GLDC: variants seen among roughly 807,000 people sequenced by gnomAD.
GLDC encodes the protein glycine decarboxylase, also known as glycine dehydrogenase (decarboxylating), mitochondrial.
In GLDC, 104 loss-of-function variants were observed where a neutral mutation model predicts 121.3. That is an observed-to-expected ratio of 0.86 (90% confidence interval 0.73 to 1.01). GLDC has a LOEUF of 1.01. Among genes scored for constraint, GLDC ranks in the 50% least tolerant of loss-of-function variants. The pLI is 0.00. For synonymous variants in GLDC, 546 were observed against 480.6 expected (o/e 1.14, Z -1.78); for missense variants, 1,429 against 1,306.6 (o/e 1.09, Z -1.44).
At chr9:6,558,826 T>G (rs1190990119) in intron 16 of GLDC, 142 bp from the exon 17 acceptor site, 1 of 894,450 alleles carries the variant, frequency 1.1e-6, no homozygotes, top group East Asian at 2.6e-5. Flanking sequence ...CTTTAAAATC[T>G]GCTACAATTT....
intron 2 of GLDC, among the ~76,000 whole-genome samples, chr9:6,642,029 A>C (rs780184362): frequency 2.6e-5 from 4 of 152,198 alleles, no homozygotes; most frequent in Non-Finnish European, 5.9e-5. Context: ...TGACACGTGC[A>C]CACCTCAGAG....
At chr9:6,597,382 C>G (rs1021705666) in intron 8 of GLDC, among the ~76,000 whole-genome samples, 11 of 152,066 alleles carry the variant, frequency 7.2e-5, no homozygotes, top group Admixed American at 2.0e-4. Context: ...TGAGTTACAT[C>G]TCAATAAAAA....
intron 2 of GLDC, among the ~76,000 whole-genome samples, chr9:6,636,128 C>T (rs2118655): frequency 6.6e-6 from 1 of 151,654 alleles, no homozygotes; most frequent in African/African-American, 2.4e-5. Context: ...CATGGTGAAA[C>T]CCCCGTCTCT....
chr9:6,558,947 CA>C (rs1255856767), intron 16 of GLDC, among the ~76,000 whole-genome samples: 1 of 152,146 alleles, frequency 6.6e-6, no homozygotes, highest in African/African-American at 2.4e-5. Flanking sequence ...TATCCCAGTA[CA>C]ATAAAAATAG....
chr9:6,547,022 AG>A (rs1817408311), intron 21 of GLDC, among the ~76,000 whole-genome samples: 1 of 152,128 alleles, frequency 6.6e-6, no homozygotes, highest in South Asian at 2.1e-4. Context: ...TACATAAACC[AG>A]CAGCATAGTC....
chr9:6,557,017 T>C (rs1336142913), intron 17 of GLDC, among the ~76,000 whole-genome samples: 5 of 152,192 alleles, frequency 3.3e-5, no homozygotes, highest in African/African-American at 9.6e-5. Flanking sequence ...TCTTCTCATA[T>C]CCATTCCTTT....
intron 5 of GLDC, 41 bp downstream of exon 5, chr9:6,606,551 T>G (rs370244858): frequency 9.1e-7 from 1 of 1,102,636 alleles, no homozygotes; most frequent in African/African-American, 1.5e-5. Context: ...GAGATGAACA[T>G]GACATTATAC....
intron 15 of GLDC, chr9:6,565,701 T>C (rs946663623): frequency 1.0e-5 from 6 of 590,492 alleles, no homozygotes; most frequent in African/African-American, 7.4e-5. Context: ...GGACCACGCA[T>C]TGAAAATAGC....
chr9:6,558,675 T>A lies in GLDC; in HGVS notation c.1936A>T (p.Ile646Phe). 1.2e-6 allele frequency: 2 copies of A among 1,614,192 alleles called. No individual in the cohort carries two copies. The highest frequency in any genetic ancestry group is 1.1e-5 in the South Asian group (1 of 91,088). ...KGEGHRTVCL[I>F]PKSAHGTNPA... Reference sequence around the variant, plus strand: ...TTGGTCCCATGTGCTGATTTCGGAATGAGGCAAACCTACAGAATAGAAAGG... The same window carrying A: ...TTGGTCCCATGTGCTGATTTCGGAAAGAGGCAAACCTACAGAATAGAAAGG... Residue 646 changes from isoleucine (I) to phenylalanine (F), a missense_variant, in exon 17 of 25, where the codon ATT (isoleucine) becomes TTT (phenylalanine). Ile to Phe is a conservative substitution (Grantham distance 21). Transcript: ENST00000321612.
intron 2 of GLDC, chr9:6,639,716 C>G (rs1819591092): frequency 5.7e-6 from 1 of 175,662 alleles, no homozygotes; most frequent in African/African-American, 3.1e-5. Context: ...CTGTGAGGGA[C>G]TACATATACA....
At chr9:6,616,605 G>C (rs1358012592) in intron 3 of GLDC, among the ~76,000 whole-genome samples, 1 of 152,180 alleles carries the variant, frequency 6.6e-6, no homozygotes, top group Non-Finnish European at 1.5e-5. Flanking sequence ...ACAAGAGTTT[G>C]ACTCAATTAG....
chr9:6,611,467 A>T lies in GLDC; in HGVS notation c.471-1111T>A, dbSNP rs879027441. On this transcript the variant is annotated intron_variant, in intron 3 of 24. Transcript: ENST00000321612. ...GCTACTCAGGAGGCTGAGGCAGGAG[A>T]ATCGCTTGAACCCGCGGGGCGGAGG... Among the ~76,000 whole-genome samples the T allele has an allele frequency of 3.9e-5, 6 of 152,118 alleles. No homozygotes were observed. The South Asian group carries it at 1.0e-3, about 26-fold the overall frequency.
chr9:6,578,682 G>A (rs1206419112), intron 15 of GLDC, among the ~76,000 whole-genome samples: 1 of 152,082 alleles, frequency 6.6e-6, no homozygotes, highest in Admixed American at 6.5e-5. Context: ...TGGGACCACA[G>A]GTGCTTGCCA....
intron 3 of GLDC, among the ~76,000 whole-genome samples, chr9:6,614,550 A>G (rs1207911317): frequency 2.8e-5 from 4 of 141,944 alleles, no homozygotes; most frequent in African/African-American, 8.2e-5. Context: ...CCTGGGTTTC[A>G]ATCTTTTTTT....
At chr9:6,556,419 C>A (rs1187676718) in intron 17 of GLDC, 117 bp from the exon 18 acceptor site, 2 of 829,930 alleles carry the variant, frequency 2.4e-6, no homozygotes, top group Non-Finnish European at 4.1e-6. Flanking sequence ...CTTTACTTTC[C>A]TGGAACTGTC....
In GLDC at chr9:6,534,725, C is replaced by T; in HGVS notation, c.2902G>A (p.Val968Met). 2 of 1,598,278 alleles carry T rather than the reference C, an allele frequency of 1.3e-6. No homozygotes were observed. Among genetic ancestry groups the T allele is most frequent in the Non-Finnish European group, 1.7e-6 (2 of 1,165,704 alleles). ...SHWDRPYSRE[V>M]AAFPLPFVKP... ...GAACTTACGAGTGGGAATGCTGCCACCTCTCTGGAATAAGGCCGGTCCCAG... is the reference window on the plus strand; with the variant it reads ...GAACTTACGAGTGGGAATGCTGCCATCTCTCTGGAATAAGGCCGGTCCCAG... The change falls in exon 24 of 25, where the codon GTG becomes ATG. Residue 968 changes from valine to methionine, a missense_variant. Transcript: ENST00000321612.
chr9:6,540,461 T>C, intron 21 of GLDC: 1 of 371,856 alleles, frequency 2.7e-6, no homozygotes, highest in South Asian at 2.5e-5. Context: ...GGGATGAGAT[T>C]ATTTCTATTC....
chr9:6,630,703 G>C (rs536179725), intron 2 of GLDC, among the ~76,000 whole-genome samples: 1 of 152,294 alleles, frequency 6.6e-6, no homozygotes, highest in East Asian at 1.9e-4. Flanking sequence ...ACCATGGGGT[G>C]GGGCTGGGGT....
chr9:6,622,003 A>G (rs989634825), intron 2 of GLDC, among the ~76,000 whole-genome samples: 3 of 152,272 alleles, frequency 2.0e-5, no homozygotes, highest in Admixed American at 6.5e-5. Context: ...TTTTTCCTCT[A>G]TCAGAGAAAA....
Sources: allele counts gnomAD v4.1 joint callset (sites outside exome capture counted in the v4.1 genomes callset), GRCh38; gene constraint gnomAD v4.1.1; transcripts MANE v1.5; gene names NCBI Gene and HGNC (gene_info 2026-07-23, HGNC 2026-07-21).